The following NCKAP5 variants were observed in gnomAD, a reference collection of about 807,000 sequenced individuals.
NCKAP5 encodes the protein nck-associated protein 5.
NCKAP5 carries 92 observed loss-of-function variants against 167.0 expected under a neutral mutation model. The ratio of observed to expected loss-of-function variants is 0.55; its 90% confidence interval spans 0.47 to 0.66. The LOEUF is 0.66. NCKAP5 is among the 30% of genes least tolerant of loss of function. NCKAP5 has a pLI of 0.00. For synonymous variants in NCKAP5, 891 were observed against 877.4 expected (o/e 1.02, Z -0.27); for missense variants, 2,378 against 2,315.0 (o/e 1.03, Z -0.56).
chr2:133,528,245 C>T (rs555985648), intron 2 of NCKAP5, among the ~76,000 whole-genome samples: 2 of 152,006 alleles, frequency 1.3e-5, no homozygotes, highest in Non-Finnish European at 2.9e-5. Context: ...TATACACACA[C>T]ATATAGTCAT....
At chr2:133,326,479 A>G (rs111471264) in intron 3 of NCKAP5, among the ~76,000 whole-genome samples, 14 of 151,476 alleles carry the variant, frequency 9.2e-5, no homozygotes, top group Admixed American at 3.3e-4. Context: ...AAAAAAAAAA[A>G]AGAGAAAAAG....
intron 3 of NCKAP5, among the ~76,000 whole-genome samples, chr2:133,406,439 C>G (rs2151039619): frequency 6.6e-6 from 1 of 152,202 alleles, no homozygotes; most frequent in Non-Finnish European, 1.5e-5. Flanking sequence ...AAATATAACA[C>G]AGGAGAATAG....
At chr2:132,882,950 T>C (rs1691884820) in intron 8 of NCKAP5, among the ~76,000 whole-genome samples, 1 of 152,040 alleles carries the variant, frequency 6.6e-6, no homozygotes, top group Non-Finnish European at 1.5e-5. Context: ...CTCAGCACTT[T>C]GGAAGGACAA....
chr2:132,727,886 G>T (rs796858985), intron 18 of NCKAP5, among the ~76,000 whole-genome samples: 1 of 152,216 alleles, frequency 6.6e-6, no homozygotes, highest in East Asian at 1.9e-4. Context: ...AAGGTTGAAA[G>T]GTGGTTTGGC....
rs944281886 is a variant in NCKAP5 at position 133,357,300 on chromosome 2, C to G, written c.70-54190G>C. Among the ~76,000 whole-genome samples, 250 of 150,856 alleles carry G rather than the reference C, an allele frequency of 1.7e-3. 3 individuals are homozygous for G. The highest frequency in any genetic ancestry group is 0.015 in the Admixed American group (233 of 15,142). ...ACACACATACACAGACACACACACACACACACACACACACACACACACACA... is the reference window on the plus strand; with the variant it reads ...ACACACATACACAGACACACACACAGACACACACACACACACACACACACA... On this transcript the variant is annotated intron_variant, in intron 3 of 19. Transcript: ENST00000409261.
chr2:132,792,372 T>C lies in NCKAP5; in HGVS notation c.910-2167A>G, dbSNP rs150279600. ...ACGTAACTTAGTTAAGGGGAGTTCA[T>C]ATTTGTATCTCCACAGATGCCTACA... On this transcript the variant is annotated intron_variant, in intron 12 of 19. Transcript: ENST00000409261. Among the ~76,000 whole-genome samples the C allele has an allele frequency of 6.3e-3, 965 of 152,360 alleles. 11 individuals carry two copies. The highest frequency in any genetic ancestry group is 0.022 in the African/African-American group (904 of 41,590).
intron 3 of NCKAP5, among the ~76,000 whole-genome samples, chr2:133,462,993 C>T (rs946179902): frequency 6.6e-6 from 1 of 152,286 alleles, no homozygotes; most frequent in African/African-American, 2.4e-5. Context: ...CTTCCATCTG[C>T]GTTTTATGTG....
intron 2 of NCKAP5, among the ~76,000 whole-genome samples, chr2:133,533,958 T>TAC (rs1685559454): frequency 6.6e-6 from 1 of 152,140 alleles, no homozygotes; most frequent in Non-Finnish European, 1.5e-5. Flanking sequence ...ATTTGTCTCC[T>TAC]ACACACACAC....
intron 1 of NCKAP5, among the ~76,000 whole-genome samples, chr2:133,564,280 A>G (rs1688390567): frequency 6.6e-6 from 1 of 152,248 alleles, no homozygotes; most frequent in Admixed American, 6.5e-5. Context: ...AGATAGCATG[A>G]GCACAGAGCT....
intron 6 of NCKAP5, among the ~76,000 whole-genome samples, chr2:133,037,484 A>G (rs1290940410): frequency 6.6e-6 from 1 of 152,182 alleles, no homozygotes; most frequent in Non-Finnish European, 1.5e-5. Context: ...AAATCTAGAA[A>G]CAAATCCACA....
At position 133,429,257 on chromosome 2, in the gene NCKAP5, G is replaced by A. The variant is rs574893081; in HGVS notation, c.69+88201C>T. 2.0e-5 allele frequency among the ~76,000 whole-genome samples: 3 copies of A among 151,942 alleles called. No homozygotes were observed. The East Asian group carries it at 5.8e-4, about 29-fold the overall frequency. ...AAAGCAAGTAAAAACAACAGTATTA[G>A]ATGATTTTGCTTTGCTTTGTTTTAA... On this transcript the variant is annotated intron_variant, in intron 3 of 19. Coordinates refer to ENST00000409261, the MANE Select transcript of NCKAP5 (RefSeq NM_207363.3).
At chr2:133,668,791 T>A in the NCKAP5 span, among the ~76,000 whole-genome samples, 1 of 152,214 alleles carries the variant, frequency 6.6e-6, no homozygotes, top group Admixed American at 6.5e-5. Flanking sequence ...TGTTATTTCT[T>A]CAAATATTCT....
chr2:133,537,815 C>T lies in NCKAP5; in HGVS notation c.-61-20228G>A, dbSNP rs75286921. On this transcript the variant is annotated intron_variant, in intron 2 of 19. Transcript: ENST00000409261. Reference sequence around the variant, plus strand: ...TTAAACAAATTGAGATGCTTAGCCTCCTCAATTAAATCACTTAGAATAAAT... The same window carrying T: ...TTAAACAAATTGAGATGCTTAGCCTTCTCAATTAAATCACTTAGAATAAAT... Among the ~76,000 whole-genome samples the T allele has an allele frequency of 7.2e-3, 1,100 of 152,170 alleles. 14 individuals carry two copies. The highest frequency in any genetic ancestry group is 0.023 in the African/African-American group (953 of 41,540).
At chr2:132,934,201 T>G (rs1696665079) in intron 8 of NCKAP5, among the ~76,000 whole-genome samples, 1 of 152,182 alleles carries the variant, frequency 6.6e-6, no homozygotes. Context: ...AATAGATACG[T>G]GTGCAGCCAA....
chr2:132,883,205 T>TACACACACACACACACACACACAC (rs3044408), intron 8 of NCKAP5, among the ~76,000 whole-genome samples: 4 of 139,754 alleles, frequency 2.9e-5, no homozygotes, highest in African/African-American at 7.8e-5. Context: ...CTGACTCAAA[T>TACACACACACACACACACACACAC]ACACACACAC....
At chr2:132,763,920 G>T (rs75815926) in intron 16 of NCKAP5, among the ~76,000 whole-genome samples, 5 of 152,118 alleles carry the variant, frequency 3.3e-5, no homozygotes, top group African/African-American at 1.2e-4. Context: ...GACAATGCTC[G>T]ATATAGGCTT....
At chr2:132,879,047 T>C (rs976537878) in intron 8 of NCKAP5, 131 bp from the exon 9 acceptor site, 1 of 716,796 alleles carries the variant, frequency 1.4e-6, no homozygotes, top group Non-Finnish European at 2.4e-6. Flanking sequence ...CTATGACAAG[T>C]TCACTCTAAG....
chr2:132,954,533 C>T (rs1049643931), intron 8 of NCKAP5: 1 of 395,866 alleles, frequency 2.5e-6, no homozygotes. Context: ...ATACTGTGAA[C>T]AAGGTAAGCA....
intron 8 of NCKAP5, among the ~76,000 whole-genome samples, chr2:132,918,575 A>G (rs1197588790): frequency 6.6e-6 from 1 of 152,208 alleles, no homozygotes; most frequent in Non-Finnish European, 1.5e-5. Flanking sequence ...TAATGATTAT[A>G]ATGATGATGA....
Sources: gnomAD v4.1 joint callset for allele counts (sites outside exome capture counted in the v4.1 genomes callset) on GRCh38, gnomAD v4.1.1 for gene constraint, MANE v1.5 for transcripts, NCBI Gene and HGNC (gene_info 2026-07-23, HGNC 2026-07-21) for gene names.